The following GALNT14 variants were observed in gnomAD, a reference collection of about 807,000 sequenced individuals.
GALNT14 encodes polypeptide N-acetylgalactosaminyltransferase 14, also known as UDP-GalNAc:polypeptide N-acetylgalactosaminyltransferase 14.
GALNT14 carries 60 observed loss-of-function variants against 77.5 expected under a neutral mutation model. The observed-to-expected ratio is 0.77, with a 90% CI of 0.63 to 0.96. GALNT14 has a LOEUF of 0.96. Among genes scored for constraint, GALNT14 ranks in the 40% least tolerant of loss-of-function variants. The pLI, the probability that GALNT14 is intolerant of heterozygous loss-of-function variation, is 0.00. For missense variants in GALNT14, 710 were observed against 731.0 expected (o/e 0.97, Z 0.33); for synonymous variants, 280 against 281.7 (o/e 0.99, Z 0.06).
chr2:31,017,405 C>G (rs558136954), intron 1 of GALNT14, among the ~76,000 whole-genome samples: 2 of 152,198 alleles, frequency 1.3e-5, no homozygotes, highest in Admixed American at 1.3e-4. Flanking sequence ...GCTAAATTTA[C>G]TGTAAATAAT....
At position 30,967,703 on chromosome 2, in the gene GALNT14, A is replaced by C. The variant is rs892832435; in HGVS notation, c.300-1401T>G. 3.3e-5 allele frequency among the ~76,000 whole-genome samples: 5 copies of C among 152,154 alleles called. No individual in the cohort carries two copies. The South Asian group carries it at 8.3e-4, about 25-fold the overall frequency. On this transcript the variant is annotated intron_variant, in intron 2 of 14. Transcript: ENST00000349752. Reference sequence around the variant, plus strand: ...GCCTCTCAGACAGTCCTTTTTTCTCAGGGGAGCACTGCAGCAGCTTCCTGA... The same window carrying C: ...GCCTCTCAGACAGTCCTTTTTTCTCCGGGGAGCACTGCAGCAGCTTCCTGA...
rs536403892 is a variant in GALNT14, at chr2:30,923,320, T to G, written c.1380+799A>C. Among the ~76,000 whole-genome samples, 3 of 152,228 alleles carry G rather than the reference T, an allele frequency of 2.0e-5. No individual in the cohort carries two copies. The East Asian group carries it at 5.8e-4, about 29-fold the overall frequency. ...CTTAGGTGATCCACCCACCTTGACC[T>G]TCCAAAGTGCTGGGATTACAGGCGT... is the stretch of plus-strand genomic sequence containing the variant. On this transcript the variant is annotated intron_variant, in intron 13 of 14. Transcript: ENST00000349752.
chr2:30,972,323 G>GCA (rs1263060635), intron 2 of GALNT14, among the ~76,000 whole-genome samples: 2 of 152,198 alleles, frequency 1.3e-5, no homozygotes, highest in Non-Finnish European at 1.5e-5. Flanking sequence ...CAACTACACA[G>GCA]CACAATGAAA....
intron 1 of GALNT14, among the ~76,000 whole-genome samples, chr2:31,043,813 T>C (rs1436484934): frequency 2.6e-5 from 4 of 152,048 alleles, no homozygotes; most frequent in Non-Finnish European, 4.4e-5. Flanking sequence ...GATCTATAAA[T>C]AAAGAATGAA....
intron 2 of GALNT14, among the ~76,000 whole-genome samples, chr2:30,987,880 A>C (rs1376638647): frequency 2.0e-5 from 3 of 152,092 alleles, no homozygotes; most frequent in Non-Finnish European, 4.4e-5. Flanking sequence ...CATCCTATAA[A>C]TCAGAATCCA....
intron 9 of GALNT14, among the ~76,000 whole-genome samples, chr2:30,933,167 G>A (rs1189569004): frequency 3.9e-5 from 6 of 152,166 alleles, no homozygotes; most frequent in Non-Finnish European, 7.3e-5. Context: ...AAAGCAGAAT[G>A]ACTGTGAGTG....
At chr2:31,046,321 G>A (rs1673457723) in intron 1 of GALNT14, among the ~76,000 whole-genome samples, 1 of 151,658 alleles carries the variant, frequency 6.6e-6, no homozygotes, top group African/African-American at 2.4e-5. Context: ...CCACCTCCTG[G>A]GTTCAAGCGA....
chr2:31,109,431 T>C (rs1468160527), intron 1 of GALNT14, among the ~76,000 whole-genome samples: 1 of 152,228 alleles, frequency 6.6e-6, no homozygotes, highest in East Asian at 1.9e-4. Context: ...CTAATAGCAC[T>C]GATACTTTTA....
chr2:31,082,050 C>T (rs555060090), intron 1 of GALNT14, among the ~76,000 whole-genome samples: 2 of 152,320 alleles, frequency 1.3e-5, no homozygotes, highest in African/African-American at 4.8e-5. Context: ...GGAGCAGAGG[C>T]TCCTACAAAC....
At chr2:31,042,894 C>T (rs1162704997) in intron 1 of GALNT14, among the ~76,000 whole-genome samples, 1 of 152,194 alleles carries the variant, frequency 6.6e-6, no homozygotes, top group East Asian at 1.9e-4. Context: ...CTTTCTAAAA[C>T]AAGTCAGATC....
At chr2:31,134,396 C>T (rs370124364) in intron 1 of GALNT14, among the ~76,000 whole-genome samples, 62 of 152,350 alleles carry the variant, frequency 4.1e-4, no homozygotes, top group African/African-American at 1.4e-3. Context: ...AGGCAAAGAG[C>T]TGTCCCCATG....
At chr2:30,967,713 T>A (rs868072370) in intron 2 of GALNT14, among the ~76,000 whole-genome samples, 1 of 152,178 alleles carries the variant, frequency 6.6e-6, no homozygotes, top group Non-Finnish European at 1.5e-5. Context: ...AGGGGAGCAC[T>A]GCAGCAGCTT....
chr2:30,955,001 G>T (rs76720047), intron 6 of GALNT14, among the ~76,000 whole-genome samples: 2 of 152,228 alleles, frequency 1.3e-5, no homozygotes, highest in African/African-American at 2.4e-5. Context: ...CAGTAGGGAA[G>T]TGGATAGACT....
intron 1 of GALNT14, among the ~76,000 whole-genome samples, chr2:31,092,462 T>C (rs1676798205): frequency 6.6e-6 from 1 of 152,134 alleles, no homozygotes; most frequent in Non-Finnish European, 1.5e-5. Flanking sequence ...GACACAAATA[T>C]TCAATCTACA....
chr2:30,946,007 A>C lies in GALNT14; in HGVS notation c.655-137T>G, dbSNP rs546906059. On this transcript the variant is annotated intron_variant, in intron 6 of 14. Transcript: ENST00000349752. Reference sequence around the variant, plus strand: ...TAGAGCCCTTTCATCTCTGGATCTTAATTTTTCCATCTATAAAAGGGGGTA... The same window carrying C: ...TAGAGCCCTTTCATCTCTGGATCTTCATTTTTCCATCTATAAAAGGGGGTA... The C allele has an allele frequency of 1.5e-5, 10 of 662,504 alleles. No individual in the cohort carries two copies. In the African/African-American group the frequency reaches 1.8e-4, roughly 12 times the overall value. The allele number at this position is 662,504 out of a possible 1,614,324, so 41.0% of individuals were successfully genotyped here. A position where few individuals can be genotyped will look rare whatever the true frequency, so the allele number is the denominator to read the frequency against.
intron 13 of GALNT14, among the ~76,000 whole-genome samples, chr2:30,920,517 G>C (rs1664965301): frequency 6.6e-6 from 1 of 152,084 alleles, no homozygotes; most frequent in African/African-American, 2.4e-5. Context: ...ACAAAGCCCA[G>C]TGTTAGCAGA....
At chr2:30,955,849 C>G in intron 5 of GALNT14, 63 bp downstream of exon 5, 1 of 1,609,416 alleles carries the variant, frequency 6.2e-7, no homozygotes, top group South Asian at 1.1e-5. Context: ...CACACACACA[C>G]CATCACACCT....
chr2:30,887,515 G>A, the GALNT14 span, among the ~76,000 whole-genome samples: 1 of 152,016 alleles, frequency 6.6e-6, no homozygotes, highest in Non-Finnish European at 1.5e-5. Context: ...CCATTTGTAT[G>A]TCTTCTTTGG....
intron 1 of GALNT14, among the ~76,000 whole-genome samples, chr2:31,051,527 T>A (rs1279403589): frequency 6.6e-6 from 1 of 152,096 alleles, no homozygotes; most frequent in Non-Finnish European, 1.5e-5. Flanking sequence ...CTACACCAAC[T>A]CTTACCTGCC....
Sources: gnomAD v4.1 joint callset for allele counts (sites outside exome capture counted in the v4.1 genomes callset) on GRCh38, gnomAD v4.1.1 for gene constraint, MANE v1.5 for transcripts, NCBI Gene and HGNC (gene_info 2026-07-23, HGNC 2026-07-21) for gene names.